TMEM25: variants seen among roughly 807,000 people sequenced by gnomAD.
The protein encoded by TMEM25 is 0610039J01Rik.
Under a neutral mutation model 37.0 loss-of-function variants are expected in TMEM25, and 36 were observed. The observed-to-expected ratio is 0.97, with a 90% CI of 0.75 to 1.28. The LOEUF is 1.28. TMEM25 is among the 50% of genes most tolerant of loss of function. TMEM25 has a pLI of 0.00. For synonymous variants in TMEM25, 197 were observed against 203.7 expected, an observed-to-expected ratio of 0.97 and a Z score of 0.28; for missense variants, 444 against 477.9, an observed-to-expected ratio of 0.93 and a Z score of 0.66.
chr11:118,533,099 T>G lies in TMEM25; in HGVS notation c.565T>G (p.Trp189Gly), dbSNP rs1555060362. 3 of 1,613,680 alleles carry G rather than the reference T, an allele frequency of 1.9e-6. No individual in the cohort carries two copies. The highest frequency in any genetic ancestry group is 2.5e-6 in the Non-Finnish European group (3 of 1,180,008). The part of the protein sequence containing the change: ...FLVLDAQNYP[W>G]LTNHTVQLQL... ...GGTGCTGGATGCGCAGAACTACCCC[T>G]GGCTCACCAACCACACGGTGCAGCT... The change falls in exon 4 of 9, where the codon TGG (tryptophan) becomes GGG (glycine). Residue 189 changes from tryptophan to glycine, a missense_variant. By Grantham distance (184) the Trp-to-Gly change is radical. Coordinates refer to ENST00000313236, the MANE Select transcript of TMEM25 (RefSeq NM_032780.4).
rs138350313 is a variant in TMEM25, at chr11:118,532,436, C to T, written c.357C>T (p.Asn119=). 745 of 1,613,646 alleles carry T rather than the reference C, an allele frequency of 4.6e-4. 7 individuals are homozygous for T. Among genetic ancestry groups the T allele is most frequent in the South Asian group, 4.4e-3 (396 of 91,014 alleles). ...LQDPRSGRSA[N]ASVILNVQFK... ...ACCCCAGAAGTGGCCGATCAGCCAA[C>T]GCCTCTGTCATCCTTAATGTGCAAT... is the stretch of plus-strand genomic sequence containing the variant. The change falls in exon 3 of 9, where the codon AAC becomes AAT. Residue 119 remains asparagine, a synonymous_variant. Transcript: ENST00000313236.
chr11:118,544,925 G>T, intron 8 of TMEM25: 2 of 1,612,230 alleles, frequency 1.2e-6, no homozygotes, highest in Non-Finnish European at 1.7e-6. Context: ...CTCAGCTGAA[G>T]GTTAATGTCT....
chr11:118,543,817 T>C (rs1555066339), intron 8 of TMEM25, among the ~76,000 whole-genome samples: 1 of 143,416 alleles, frequency 7.0e-6, no homozygotes, highest in African/African-American at 2.6e-5. Flanking sequence ...CCCTTTTTTT[T>C]TTTTTTTGAG....
At chr11:118,531,677 C>A in intron 1 of TMEM25, 98 bp from the exon 2 acceptor site, 2 of 980,836 alleles carry the variant, frequency 2.0e-6, no homozygotes, top group Non-Finnish European at 1.5e-6. Flanking sequence ...TTTGCGTTTC[C>A]GTACATGGTT....
Position 118,535,315 on chromosome 11 carries a change from G to A in TMEM25, c.*735G>A, listed in dbSNP as rs1951481501. 9.1e-6 allele frequency: 12 copies of A among 1,319,792 alleles called. No homozygotes were observed. Among genetic ancestry groups the A allele is most frequent in the Admixed American group, 3.4e-5 (1 of 29,230 alleles). The allele number at this position is 1,319,792 out of a possible 1,614,324, so 81.8% of individuals were successfully genotyped here. On this transcript the variant is annotated 3_prime_UTR_variant, in exon 9 of 9. Transcript: ENST00000313236. The stretch of plus-strand genomic sequence containing the variant: ...ACAAGTTAGGGAGGAAGAGGCAGGC[G>A]ATGAGTCTAGTAGCACCCAGGACGG...
chr11:118,546,122 G>A, exon 9 of TMEM25: 1 of 718,540 alleles, frequency 1.4e-6, no homozygotes, highest in Non-Finnish European at 2.6e-6. Context: ...CTTATAGGAA[G>A]AAGAAATCAG....
At chr11:118,532,691 C>A (rs1048159890) in intron 3 of TMEM25, 2 of 777,294 alleles carry the variant, frequency 2.6e-6, no homozygotes, top group Admixed American at 2.9e-5. Flanking sequence ...GTGATGATCC[C>A]GCTGGTAAGA....
chr11:118,535,480 C>G lies in TMEM25; in HGVS notation c.*900C>G. 1 of 1,523,282 alleles carries G rather than the reference C, an allele frequency of 6.6e-7. No individual in the cohort carries two copies. The highest frequency in any genetic ancestry group is 8.8e-7 in the Non-Finnish European group (1 of 1,138,062). The allele number at this position is 1,523,282 out of a possible 1,614,324, so 94.4% of individuals were successfully genotyped here. On this transcript the variant is annotated 3_prime_UTR_variant, in exon 9 of 9. Coordinates refer to ENST00000313236, the MANE Select transcript of TMEM25 (RefSeq NM_032780.4). ...TGGGATTCACTGTGAGTGTCCTGAGCTCTCGGGGTTGATGGTTTTTCTCTC... is the reference window on the plus strand; with the variant it reads ...TGGGATTCACTGTGAGTGTCCTGAGGTCTCGGGGTTGATGGTTTTTCTCTC...
chr11:118,535,126 G>A lies in TMEM25; in HGVS notation c.*546G>A, dbSNP rs558979617. The A allele has an allele frequency of 1.1e-5, 11 of 1,020,198 alleles. No individual in the cohort carries two copies. Among genetic ancestry groups the A allele is most frequent in the East Asian group, 9.5e-5 (1 of 10,574 alleles). The allele number at this position is 1,020,198 out of a possible 1,614,324, so 63.2% of individuals were successfully genotyped here. On this transcript the variant is annotated 3_prime_UTR_variant, in exon 9 of 9. Coordinates refer to ENST00000313236, the MANE Select transcript of TMEM25 (RefSeq NM_032780.4). ...AACCAACCCCTGACCCAGCGGTACC[G>A]GCCAAGCACAAACGTCCTTTTTGCT...
In TMEM25 at chr11:118,534,236, G is replaced by C. The variant is rs782030117; in HGVS notation, c.938-30G>C. The stretch of plus-strand genomic sequence containing the variant: ...CGAGGCCTCATCAGGCACACTCCTC[G>C]TCCTGAACACTGCCCTCTTTGTCAA... On this transcript the variant is annotated intron_variant, in intron 7 of 8. Coordinates refer to ENST00000313236, the MANE Select transcript of TMEM25 (RefSeq NM_032780.4). This position sits in a 1 kb window ranked among gnomAD's most constrained non-coding sequence, Gnocchi z 4.6. 6.8e-6 allele frequency: 11 copies of C among 1,613,972 alleles called. No homozygotes were observed. The highest frequency in any genetic ancestry group is 1.6e-4 in the Middle Eastern group (1 of 6,062).
At chr11:118,544,699 T>C (rs782208580) in intron 8 of TMEM25, 2 of 552,532 alleles carry the variant, frequency 3.6e-6, no homozygotes, top group Non-Finnish European at 6.5e-6. Context: ...CACAGTGGTG[T>C]AGATGCATTA....
In TMEM25 at chr11:118,534,597, G is replaced by A. The variant is rs782023677; in HGVS notation, c.*17G>A. 67 of 1,613,736 alleles carry A rather than the reference G, an allele frequency of 4.2e-5. No individual in the cohort carries two copies. The highest frequency in any genetic ancestry group is 5.4e-5 in the Non-Finnish European group (64 of 1,179,762). On this transcript the variant is annotated 3_prime_UTR_variant, in exon 9 of 9. Transcript: ENST00000313236. The surrounding 1 kb of genome is among the most constrained non-coding windows in gnomAD (Gnocchi z 4.6). ...TGGCTCTGAGCCGAGGGCGAGACAG[G>A]AGTATTCTCTTGGCCTCTGGACACC... is the stretch of plus-strand genomic sequence containing the variant.
rs369458483 is a variant in TMEM25 at position 118,534,233 on chromosome 11, C to T, written c.938-33C>T. The T allele has an allele frequency of 3.3e-5, 54 of 1,613,944 alleles. No individual in the cohort carries two copies. In the African/African-American group the frequency reaches 7.1e-4, roughly 21 times the overall value. ...GGGCGAGGCCTCATCAGGCACACTC[C>T]TCGTCCTGAACACTGCCCTCTTTGT... On this transcript the variant is annotated intron_variant, in intron 7 of 8. Coordinates refer to ENST00000313236, the MANE Select transcript of TMEM25 (RefSeq NM_032780.4). This position sits in a 1 kb window ranked among gnomAD's most constrained non-coding sequence, Gnocchi z 4.6.
At chr11:118,541,849 C>T (rs1349502664) in intron 8 of TMEM25, among the ~76,000 whole-genome samples, 1 of 152,184 alleles carries the variant, frequency 6.6e-6, no homozygotes, top group African/African-American at 2.4e-5. Context: ...CCTCGACCTC[C>T]CGGGCTTAAT....
intron 8 of TMEM25, chr11:118,546,024 G>A (rs1467236603): frequency 1.4e-6 from 1 of 711,994 alleles, no homozygotes. Context: ...TTCAGAATGT[G>A]ACTATATTTG....
At chr11:118,545,526 GCAAA>G (rs1210435822) in intron 8 of TMEM25, 1 of 1,557,466 alleles carries the variant, frequency 6.4e-7, no homozygotes, top group Non-Finnish European at 8.9e-7. Flanking sequence ...AGGAACAGAA[GCAAA>G]CAAACTCCGG....
intron 2 of TMEM25, 101 bp downstream of exon 2, chr11:118,531,972 C>A: frequency 7.1e-7 from 1 of 1,407,216 alleles, no homozygotes; most frequent in Non-Finnish European, 9.7e-7. Flanking sequence ...AGGCCCCAAG[C>A]CCTGGAGTCC....
At position 118,532,262 on chromosome 11, in the gene TMEM25, C is replaced by T. The variant is rs1951318763; in HGVS notation, c.183C>T (p.Pro61=). 3.1e-6 allele frequency: 5 copies of T among 1,613,948 alleles called. No homozygotes were observed. Among genetic ancestry groups the T allele is most frequent in the Middle Eastern group, 1.6e-4 (1 of 6,082 alleles). ...TCRVAGGPGT[P]RLAWYLDGQL... Reference sequence around the variant, plus strand: ...GGGTGGCAGGGGGGCCTGGCACCCCCAGATTGGCCTGGTATCTGGATGGAC... The same window carrying T: ...GGGTGGCAGGGGGGCCTGGCACCCCTAGATTGGCCTGGTATCTGGATGGAC... Residue 61 remains proline (P), a synonymous_variant, in exon 3 of 9, where the codon CCC becomes CCT. Transcript: ENST00000313236.
downstream of TMEM25, chr11:118,546,493 AAAGG>A (rs782037014): frequency 8.5e-5 from 19 of 224,666 alleles, no homozygotes; most frequent in Non-Finnish European, 1.5e-4. Context: ...CTGTAAAAAA[AAAGG>A]AAGGAAGGGA....
Sources: gnomAD v4.1 joint callset for allele counts (sites outside exome capture counted in the v4.1 genomes callset) on GRCh38, gnomAD v4.1.1 for gene constraint, Gnocchi (gnomAD v3.1) non-coding constraint, MANE v1.5 for transcripts, NCBI Gene and HGNC (gene_info 2026-07-23, HGNC 2026-07-21) for gene names.